Variants in PCDH15 observed in about 807,000 individuals in gnomAD.
PCDH15 encodes protocadherin related 15.
Under a neutral mutation model 178.5 loss-of-function variants are expected in PCDH15, and 129 were observed. The observed-to-expected ratio is 0.72, with a 90% CI of 0.63 to 0.84. The LOEUF (loss-of-function observed/expected upper bound fraction) is 0.84, where lower values mean the gene tolerates loss of function less well. Among genes scored for constraint, PCDH15 ranks in the 40% least tolerant of loss-of-function variants. PCDH15 has a pLI of 0.00. For missense variants in PCDH15, 2,230 were observed against 2,099.9 expected (o/e 1.06, Z -1.21); for synonymous variants, 800 against 732.0 (o/e 1.09, Z -1.50).
intron 21 of PCDH15, among the ~76,000 whole-genome samples, chr10:53,966,321 A>T (rs543209354): frequency 6.6e-6 from 1 of 152,260 alleles, no homozygotes; most frequent in Admixed American, 6.5e-5. Flanking sequence ...TAACTATACT[A>T]AATAACTAAA....
intron 1 of PCDH15, among the ~76,000 whole-genome samples, chr10:54,737,716 T>C (rs1027714880): frequency 6.6e-6 from 1 of 152,116 alleles, no homozygotes; most frequent in African/African-American, 2.4e-5. Flanking sequence ...TGTTTGAAGT[T>C]CTGAATCTAT....
intron 3 of PCDH15, among the ~76,000 whole-genome samples, chr10:54,412,641 G>T (rs1953715598): frequency 6.6e-6 from 1 of 152,120 alleles, no homozygotes; most frequent in Non-Finnish European, 1.5e-5. Context: ...ACTGTTACTG[G>T]CTACTTACAA....
chr10:54,788,531 A>C (rs1226617653), intron 1 of PCDH15, among the ~76,000 whole-genome samples: 1 of 152,002 alleles, frequency 6.6e-6, no homozygotes, highest in Non-Finnish European at 1.5e-5. Context: ...GGAGGGGAAA[A>C]AAATAAGAAA....
At chr10:54,616,462 T>G (rs2093158853) in intron 2 of PCDH15, among the ~76,000 whole-genome samples, 1 of 152,122 alleles carries the variant, frequency 6.6e-6, no homozygotes, top group South Asian at 2.1e-4. Context: ...ATTGCAAGTG[T>G]GTCCTATTTT....
At chr10:54,994,212 C>T (rs145550443) in intron 2 of PCDH15, among the ~76,000 whole-genome samples, 1 of 152,214 alleles carries the variant, frequency 6.6e-6, no homozygotes, top group Non-Finnish European at 1.5e-5. Flanking sequence ...CTTTGTCATT[C>T]CTAATTAATG....
intron 6 of PCDH15, among the ~76,000 whole-genome samples, chr10:54,342,944 G>A (rs958924493): frequency 2.0e-5 from 3 of 152,184 alleles, no homozygotes; most frequent in Non-Finnish European, 2.9e-5. Context: ...TATACCTAAT[G>A]TCTGTACCCT....
At chr10:54,639,417 T>C (rs2134907765) in intron 2 of PCDH15, among the ~76,000 whole-genome samples, 1 of 152,194 alleles carries the variant, frequency 6.6e-6, no homozygotes, top group South Asian at 2.1e-4. Flanking sequence ...CTAAATTTCT[T>C]CATTTTGTTA....
rs147715548 is a variant in PCDH15 at position 53,959,673 on chromosome 10, C to T, written c.3122+59G>A. ...TTCATATTACATCAATTTTGAGAGA[C>T]TCCTTTCAAAAATGCCCTAAACATT... On this transcript the variant is annotated intron_variant, in intron 23 of 37. Coordinates refer to ENST00000644397, the MANE Select transcript of PCDH15 (RefSeq NM_001384140.1). 13 of 1,287,120 alleles carry T rather than the reference C, an allele frequency of 1.0e-5. No homozygotes were observed. The East Asian group carries it at 2.6e-4, about 26-fold the overall frequency. 79.7% of individuals were successfully genotyped at this position (1,287,120 alleles called of 1,614,324 possible).
At chr10:54,282,665 G>C (rs1037837840) in intron 8 of PCDH15, among the ~76,000 whole-genome samples, 1 of 152,010 alleles carries the variant, frequency 6.6e-6, no homozygotes, top group African/African-American at 2.4e-5. Flanking sequence ...TTAAGGTGAT[G>C]AGTCTGCCCT....
intron 8 of PCDH15, among the ~76,000 whole-genome samples, chr10:54,291,186 C>A (rs533614646): frequency 3.3e-5 from 5 of 152,250 alleles, no homozygotes; most frequent in African/African-American, 1.2e-4. Context: ...AAATGCACAA[C>A]TACAAGGAAA....
chr10:54,416,242 A>G (rs1332269021), intron 3 of PCDH15, among the ~76,000 whole-genome samples: 5 of 152,008 alleles, frequency 3.3e-5, no homozygotes, highest in African/African-American at 4.8e-5. Flanking sequence ...GGTTTGCTGC[A>G]CCTATTGACC....
At chr10:54,766,594 C>T (rs896014607) in intron 1 of PCDH15, among the ~76,000 whole-genome samples, 4 of 151,380 alleles carry the variant, frequency 2.6e-5, no homozygotes, top group African/African-American at 4.9e-5. Context: ...AGTGATACAA[C>T]TTTTTATACA....
At chr10:55,290,088 C>T (rs1842970002) in intron 1 of PCDH15, among the ~76,000 whole-genome samples, 1 of 151,666 alleles carries the variant, frequency 6.6e-6, no homozygotes, top group African/African-American at 2.4e-5. Flanking sequence ...ACTACCCAGT[C>T]TATGATATTT....
At chr10:54,408,263 C>T (rs1952971183) in intron 3 of PCDH15, among the ~76,000 whole-genome samples, 1 of 151,634 alleles carries the variant, frequency 6.6e-6, no homozygotes, top group Admixed American at 6.6e-5. Flanking sequence ...TGTTATCCCA[C>T]AACATATAAT....
chr10:55,288,082 A>G (rs1375423746), intron 1 of PCDH15, among the ~76,000 whole-genome samples: 1 of 150,076 alleles, frequency 6.7e-6, no homozygotes, highest in Non-Finnish European at 1.5e-5. Context: ...ATATTAATTT[A>G]TATATATATG....
intron 2 of PCDH15, among the ~76,000 whole-genome samples, chr10:55,386,791 T>C (rs1171429663): frequency 6.6e-6 from 1 of 152,080 alleles, no homozygotes; most frequent in Non-Finnish European, 1.5e-5. Flanking sequence ...AAAAGTAATA[T>C]TTGACAATGC....
intron 2 of PCDH15, among the ~76,000 whole-genome samples, chr10:55,346,574 T>C (rs946543099): frequency 1.3e-5 from 2 of 152,116 alleles, no homozygotes; most frequent in Admixed American, 6.6e-5. Context: ...ACTGAAAACA[T>C]TGAATCTCTG....
At chr10:55,119,514 C>G (rs976587625) in intron 2 of PCDH15, among the ~76,000 whole-genome samples, 1 of 151,040 alleles carries the variant, frequency 6.6e-6, no homozygotes, top group Non-Finnish European at 1.5e-5. Flanking sequence ...AAAAGGTAAG[C>G]AAACCTAATT....
intron 8 of PCDH15, among the ~76,000 whole-genome samples, chr10:54,280,431 G>A (rs982242146): frequency 6.6e-6 from 1 of 151,508 alleles, no homozygotes; most frequent in Non-Finnish European, 1.5e-5. Context: ...ACAGTCCTCA[G>A]CAAGCCCTGC....
Sources: gnomAD v4.1 joint callset for allele counts (sites outside exome capture counted in the v4.1 genomes callset) on GRCh38, gnomAD v4.1.1 for gene constraint, MANE v1.5 for transcripts, NCBI Gene and HGNC (gene_info 2026-07-23, HGNC 2026-07-21) for gene names.